CSMD1: variants seen among roughly 807,000 people sequenced by gnomAD.
CSMD1 encodes CUB and sushi domain-containing protein 1.
Under a neutral mutation model 417.5 loss-of-function variants are expected in CSMD1, and 213 were observed. That is an observed-to-expected ratio of 0.51 (90% CI 0.46 to 0.57). CSMD1 has a LOEUF of 0.57. CSMD1 is among the 20% of genes least tolerant of loss of function. The probability of loss-of-function intolerance (pLI) is 0.00; values close to 1 mark genes in which losing one functional copy is unlikely to be tolerated. For missense variants in CSMD1, 6,923 were observed against 4,529.7 expected (o/e 1.53, Z -15.17); for synonymous variants, 2,862 against 1,736.8 (o/e 1.65, Z -16.11).
At chr8:4,216,731 A>G (rs551992276) in intron 3 of CSMD1, among the ~76,000 whole-genome samples, 1 of 152,300 alleles carries the variant, frequency 6.6e-6, no homozygotes, top group Non-Finnish European at 1.5e-5. Context: ...AAACGAATGG[A>G]GATGTTTTAA....
chr8:4,441,706 G>A (rs193014975), intron 2 of CSMD1, among the ~76,000 whole-genome samples: 3 of 151,932 alleles, frequency 2.0e-5, no homozygotes, highest in East Asian at 1.9e-4. Context: ...CAATTAAAAC[G>A]TTTGAGGTAC....
At chr8:4,905,756 C>G (rs969201001) in intron 1 of CSMD1, among the ~76,000 whole-genome samples, 6 of 140,586 alleles carry the variant, frequency 4.3e-5, no homozygotes, top group Non-Finnish European at 7.5e-5. Flanking sequence ...GGAGGCGGAG[C>G]TTGCAGTGAG....
chr8:4,159,353 T>G (rs1407425197), intron 3 of CSMD1, among the ~76,000 whole-genome samples: 1 of 152,192 alleles, frequency 6.6e-6, no homozygotes, highest in Admixed American at 6.5e-5. Flanking sequence ...GGAAATATTT[T>G]TATTTGTGAT....
At chr8:3,768,777 G>A (rs144609271) in intron 5 of CSMD1, among the ~76,000 whole-genome samples, 169 of 152,284 alleles carry the variant, frequency 1.1e-3, no homozygotes, top group African/African-American at 3.9e-3. Flanking sequence ...CTCAGAAATC[G>A]TAAGGCTTGT....
intron 3 of CSMD1, among the ~76,000 whole-genome samples, chr8:4,245,079 T>A (rs1314496038): frequency 6.6e-6 from 1 of 152,156 alleles, no homozygotes; most frequent in Non-Finnish European, 1.5e-5. Context: ...TTTGCCAACC[T>A]GTCTGGAATG....
chr8:3,889,041 T>C (rs1256100445), intron 5 of CSMD1, among the ~76,000 whole-genome samples: 2 of 152,140 alleles, frequency 1.3e-5, no homozygotes, highest in Non-Finnish European at 2.9e-5. Flanking sequence ...TTCATACAAT[T>C]CTTAAAAGGA....
chr8:3,992,925 T>C (rs1032648216), intron 5 of CSMD1, among the ~76,000 whole-genome samples: 9 of 152,240 alleles, frequency 5.9e-5, no homozygotes, highest in Non-Finnish European at 1.0e-4. Flanking sequence ...AAAGATTGAA[T>C]TGTTAACATG....
intron 3 of CSMD1, among the ~76,000 whole-genome samples, chr8:4,273,436 T>C (rs114198577): frequency 0.023 from 3,462 of 152,212 alleles, 147 homozygotes; most frequent in African/African-American, 0.079. Context: ...TACTTTTTTA[T>C]CTTCAACTCT....
chr8:3,049,485 G>C (rs1348197510), intron 50 of CSMD1, among the ~76,000 whole-genome samples: 2 of 152,114 alleles, frequency 1.3e-5, no homozygotes, highest in Admixed American at 6.5e-5. Flanking sequence ...CAATCTGAAA[G>C]GCTAGGTGCC....
intron 27 of CSMD1, among the ~76,000 whole-genome samples, chr8:3,225,235 G>A (rs1476176202): frequency 6.6e-6 from 1 of 152,086 alleles, no homozygotes; most frequent in South Asian, 2.1e-4. Context: ...ACTAACTCCA[G>A]TAGTTCTTGT....
chr8:3,398,705 C>T (rs529073352), intron 16 of CSMD1, among the ~76,000 whole-genome samples: 1 of 152,206 alleles, frequency 6.6e-6, no homozygotes, highest in East Asian at 1.9e-4. Context: ...GTTCATGTTG[C>T]TCATGACAAA....
At chr8:3,684,003 A>G (rs574127200) in intron 7 of CSMD1, among the ~76,000 whole-genome samples, 18 of 151,408 alleles carry the variant, frequency 1.2e-4, no homozygotes, top group African/African-American at 1.9e-4. Flanking sequence ...ATTAGAACAC[A>G]TTCAAATTAA....
chr8:4,408,762 G>A (rs927509589), intron 3 of CSMD1, among the ~76,000 whole-genome samples: 1 of 152,068 alleles, frequency 6.6e-6, no homozygotes, highest in African/African-American at 2.4e-5. Context: ...GTGCAGGTGA[G>A]GCCATCAGCT....
chr8:4,220,753 A>G (rs1179814271), intron 3 of CSMD1, among the ~76,000 whole-genome samples: 1 of 152,220 alleles, frequency 6.6e-6, no homozygotes. Flanking sequence ...ACAGAGAAAC[A>G]GGGTGGAGAA....
At chr8:3,744,207 T>A (rs1445396872) in intron 6 of CSMD1, among the ~76,000 whole-genome samples, 1 of 152,044 alleles carries the variant, frequency 6.6e-6, no homozygotes, top group Non-Finnish European at 1.5e-5. Context: ...AGGACAGGGA[T>A]GACGTGTTCA....
At chr8:4,878,583 G>C (rs908826332) in intron 1 of CSMD1, among the ~76,000 whole-genome samples, 1 of 151,794 alleles carries the variant, frequency 6.6e-6, no homozygotes, top group African/African-American at 2.4e-5. Flanking sequence ...CACAAAAAGA[G>C]AGCATAATTT....
chr8:4,426,439 T>C (rs932135944), intron 2 of CSMD1, among the ~76,000 whole-genome samples: 2 of 148,422 alleles, frequency 1.3e-5, no homozygotes, highest in African/African-American at 4.9e-5. Flanking sequence ...ATATACTATA[T>C]AGAGCATATA....
intron 3 of CSMD1, among the ~76,000 whole-genome samples, chr8:4,193,805 C>A (rs11985882): frequency 6.6e-6 from 1 of 151,672 alleles, no homozygotes. Flanking sequence ...GATGCTATGG[C>A]GAGAAGAGCA....
chr8:4,589,470 ACT>A (rs1489067646), intron 2 of CSMD1, among the ~76,000 whole-genome samples: 1 of 152,172 alleles, frequency 6.6e-6, no homozygotes, highest in African/African-American at 2.4e-5. Context: ...AGTAAGACAA[ACT>A]CTCTGCTGAT....
Sources: gnomAD v4.1 joint callset for allele counts (sites outside exome capture counted in the v4.1 genomes callset) on GRCh38, gnomAD v4.1.1 for gene constraint, MANE v1.5 for transcripts, NCBI Gene and HGNC (gene_info 2026-07-23, HGNC 2026-07-21) for gene names.